Variants in CAST observed in about 807,000 individuals in gnomAD.
CAST encodes MIR583 host.
In CAST, 76 loss-of-function variants were observed where a neutral mutation model predicts 119.6. The ratio of observed to expected loss-of-function variants is 0.64; its 90% CI spans 0.53 to 0.77. The LOEUF (loss-of-function observed/expected upper bound fraction) is 0.77. Ranked by LOEUF, CAST falls within the 30% of genes least tolerant of loss-of-function variation. The pLI is 0.00. For missense variants in CAST, 953 were observed against 946.5 expected, an observed-to-expected ratio of 1.01 and a Z score of -0.09; for synonymous variants, 319 against 331.6, an observed-to-expected ratio of 0.96 and a Z score of 0.41.
At chr5:96,319,333 G>A in the CAST span, among the ~76,000 whole-genome samples, 1 of 152,172 alleles carries the variant, frequency 6.6e-6, no homozygotes, top group Non-Finnish European at 1.5e-5. Context: ...ACTGGGAGGG[G>A]ATGCACATCC....
chr5:96,541,269 A>T (rs528812918), intron 1 of CAST, among the ~76,000 whole-genome samples: 2 of 152,300 alleles, frequency 1.3e-5, no homozygotes, highest in South Asian at 2.1e-4. Flanking sequence ...AGCTTTGGCT[A>T]CTAAGAGTTC....
At chr5:96,736,322 A>C (rs971653226) in intron 10 of CAST, 82 bp downstream of exon 10, 4 of 809,236 alleles carry the variant, frequency 4.9e-6, no homozygotes, top group Admixed American at 5.2e-5. Flanking sequence ...CTTGTGGGCA[A>C]ATAATATGAG....
chr5:96,592,541 A>C (rs890325021), intron 1 of CAST, among the ~76,000 whole-genome samples: 1 of 152,212 alleles, frequency 6.6e-6, no homozygotes, highest in Non-Finnish European at 1.5e-5. Flanking sequence ...AAAAAACTAA[A>C]GAATCCCAGT....
chr5:96,127,581 G>C, the CAST span, among the ~76,000 whole-genome samples: 1 of 152,004 alleles, frequency 6.6e-6, no homozygotes, highest in African/African-American at 2.4e-5. Context: ...ATTTTCTTTA[G>C]AGTATGCTTT....
intron 2 of CAST, among the ~76,000 whole-genome samples, chr5:96,677,383 C>T (rs193046718): frequency 5.9e-5 from 9 of 152,304 alleles, no homozygotes; most frequent in Admixed American, 1.3e-4. Flanking sequence ...ACAGGATGTA[C>T]AGGCATTATT....
the CAST span, among the ~76,000 whole-genome samples, chr5:96,382,784 G>C: frequency 6.6e-6 from 1 of 152,158 alleles, no homozygotes; most frequent in East Asian, 1.9e-4. Context: ...GACTTAGAAA[G>C]GAAGAGTAAT....
In CAST at chr5:96,746,334, TTCA is replaced by T. The variant is rs1402710205; in HGVS notation, c.1201-4_1201-2del. ...AACTACTTTTTTTTTCCCCTCCATT[TTCA>T]TCAGGCAAAAGCTAAAGAAGAAAAA... On this transcript the variant is annotated splice_polypyrimidine_tract_variant and splice_region_variant and intron_variant, in intron 16 of 31. Coordinates refer to ENST00000675179, the MANE Select transcript of CAST (RefSeq NM_001750.7). The T allele has an allele frequency of 8.9e-6, 14 of 1,573,350 alleles. No individual in the cohort carries two copies. The highest frequency in any genetic ancestry group is 1.2e-5 in the Non-Finnish European group (14 of 1,142,920).
At chr5:96,185,279 T>G in the CAST span, among the ~76,000 whole-genome samples, 1 of 152,196 alleles carries the variant, frequency 6.6e-6, no homozygotes, top group Non-Finnish European at 1.5e-5. Context: ...TTGTAAAAAT[T>G]TTGTCTTATT....
At chr5:96,163,560 AT>A in the CAST span, among the ~76,000 whole-genome samples, 1 of 152,206 alleles carries the variant, frequency 6.6e-6, no homozygotes, top group African/African-American at 2.4e-5. Flanking sequence ...ATTTTAATAG[AT>A]ATAGCTAGAT....
intron 1 of CAST, among the ~76,000 whole-genome samples, chr5:96,541,905 T>A (rs1187285643): frequency 6.6e-6 from 1 of 152,210 alleles, no homozygotes; most frequent in East Asian, 1.9e-4. Context: ...TTTTGGCAAT[T>A]ATTAGTAAAG....
chr5:96,203,127 A>G, the CAST span, among the ~76,000 whole-genome samples: 1 of 152,002 alleles, frequency 6.6e-6, no homozygotes, highest in Non-Finnish European at 1.5e-5. Context: ...TTTACAAAAA[A>G]AGATCACATT....
At chr5:96,457,530 A>G in the CAST span, among the ~76,000 whole-genome samples, 2 of 152,038 alleles carry the variant, frequency 1.3e-5, no homozygotes, top group African/African-American at 2.4e-5. Flanking sequence ...CACCTCACCT[A>G]TGTTGCTCCA....
chr5:96,316,637 A>G, the CAST span, among the ~76,000 whole-genome samples: 3 of 152,232 alleles, frequency 2.0e-5, no homozygotes, highest in Non-Finnish European at 2.9e-5. Flanking sequence ...TTCTAAAGGT[A>G]GAGGGGAACC....
the CAST span, among the ~76,000 whole-genome samples, chr5:96,276,854 A>C: frequency 6.6e-6 from 1 of 152,162 alleles, no homozygotes; most frequent in Admixed American, 6.5e-5. Context: ...ATTTTTATGA[A>C]GGTTTTCATG....
intron 1 of CAST, among the ~76,000 whole-genome samples, chr5:96,533,157 T>C (rs1474144329): frequency 6.6e-6 from 1 of 152,228 alleles, no homozygotes; most frequent in Non-Finnish European, 1.5e-5. Flanking sequence ...TATAATTCCA[T>C]GTTCAGCTAA....
rs569559159 is a variant in CAST, at chr5:96,757,349, G to A, written c.1711-95G>A. On this transcript the variant is annotated intron_variant, in intron 22 of 31. Transcript: ENST00000675179. ...TCTAATTTAAAATGTACAACAGCAA[G>A]TATAACCTGTAGACCCTTTGTAATG... The A allele has an allele frequency of 2.6e-5, 29 of 1,101,404 alleles. No homozygotes were observed. The African/African-American group carries it at 4.1e-4, about 15-fold the overall frequency. The allele number at this position is 1,101,404 out of a possible 1,614,324, so 68.2% of individuals were successfully genotyped here.
At chr5:96,304,724 C>T in the CAST span, among the ~76,000 whole-genome samples, 4 of 152,074 alleles carry the variant, frequency 2.6e-5, no homozygotes, top group East Asian at 1.9e-4. Context: ...CCCCATAGCT[C>T]GTTTTTGTCA....
At chr5:96,526,508 T>A (rs561890078), upstream of CAST, among the ~76,000 whole-genome samples, 1 of 152,222 alleles carries the variant, frequency 6.6e-6, no homozygotes, top group African/African-American at 2.4e-5. Flanking sequence ...GGGAAACTTA[T>A]ACTTTCTTTT....
At chr5:96,396,327 G>A in the CAST span, among the ~76,000 whole-genome samples, 1 of 152,156 alleles carries the variant, frequency 6.6e-6, no homozygotes, top group Non-Finnish European at 1.5e-5. Context: ...TTGGGAGGCC[G>A]AGGTGGGTAA....
Sources: gnomAD v4.1 joint callset for allele counts (sites outside exome capture counted in the v4.1 genomes callset) on GRCh38, gnomAD v4.1.1 for gene constraint, MANE v1.5 for transcripts, NCBI Gene and HGNC (gene_info 2026-07-23, HGNC 2026-07-21) for gene names.